Variants in CKAP5 observed in about 807,000 individuals in gnomAD.
The protein encoded by CKAP5 is cytoskeleton-associated protein 5.
In CKAP5, 27 loss-of-function variants were observed where a neutral mutation model predicts 232.8. That is an observed-to-expected ratio of 0.12 (90% CI 0.09 to 0.16). CKAP5 has a LOEUF of 0.16. Among genes scored for constraint, CKAP5 ranks in the 10% least tolerant of loss-of-function variants. CKAP5 has a pLI of 1.00. For missense variants in CKAP5, 1,838 were observed against 2,424.7 expected (o/e 0.76, Z 5.08); for synonymous variants, 785 against 841.1 (o/e 0.93, Z 1.16).
At chr11:46,751,685 CA>C (rs2065065703) in intron 38 of CKAP5, 151 bp from the exon 39 acceptor site, 1 of 664,084 alleles carries the variant, frequency 1.5e-6, no homozygotes, top group Non-Finnish European at 2.5e-6. Context: ...GCTGCTAAAA[CA>C]TGAAAATTTT....
intron 24 of CKAP5, 135 bp downstream of exon 24, chr11:46,776,120 G>A: frequency 1.5e-6 from 1 of 676,336 alleles, no homozygotes; most frequent in Non-Finnish European, 2.2e-6. Context: ...AAGGCCCCAG[G>A]AATGTGATTT....
intron 18 of CKAP5, among the ~76,000 whole-genome samples, chr11:46,782,823 T>A (rs1282160642): frequency 6.6e-6 from 1 of 152,218 alleles, no homozygotes; most frequent in Middle Eastern, 3.2e-3. Flanking sequence ...AAGTAAACTG[T>A]ATAAAGTTTT....
chr11:46,830,757 G>A (rs1939772230), intron 1 of CKAP5, among the ~76,000 whole-genome samples: 1 of 152,128 alleles, frequency 6.6e-6, no homozygotes, highest in South Asian at 2.1e-4. Context: ...TTTCTGGAAG[G>A]ATCTGTAGAA....
rs1196710030 is a variant in CKAP5, at chr11:46,808,159, A to T, written c.865-15T>A. ...TTTTTTGCCTCCTGCAAGATACAAT[A>T]TGAGTCATTTGTAACAGGAAATAAG... is the stretch of plus-strand genomic sequence containing the variant. On this transcript the variant is annotated splice_polypyrimidine_tract_variant and intron_variant, in intron 7 of 43. Transcript: ENST00000529230. The T allele has an allele frequency of 2.7e-6, 4 of 1,473,128 alleles. No homozygotes were observed. The highest frequency in any genetic ancestry group is 3.8e-6 in the Non-Finnish European group (4 of 1,055,996). The allele number at this position is 1,473,128 out of a possible 1,614,324, so 91.3% of individuals were successfully genotyped here.
intron 42 of CKAP5, among the ~76,000 whole-genome samples, chr11:46,745,230 A>G (rs79143028): frequency 0.019 from 2,926 of 152,338 alleles, 99 homozygotes; most frequent in African/African-American, 0.067. Context: ...CTTGGTATCA[A>G]TGCAAATGCA....
rs752131127 is a variant in CKAP5 at position 46,808,040 on chromosome 11, T to C, written c.969A>G (p.Ala323=). The C allele has an allele frequency of 6.2e-7, 1 of 1,612,866 alleles. No individual in the cohort carries two copies. Among genetic ancestry groups the C allele is most frequent in the Non-Finnish European group, 8.5e-7 (1 of 1,178,908 alleles). The change falls in exon 8 of 44, where the codon GCA becomes GCG. Residue 323 remains alanine, a synonymous_variant. Transcript: ENST00000529230. ...EAGDYADLVK[A]LKKVVGKDTN... is the part of the protein sequence containing the mutation. ...AAGTCCTCATATTTACCTTCTTTAA[T>C]GCTTTTACTAAATCTGCATAATCGC... is the stretch of plus-strand genomic sequence containing the variant.
intron 27 of CKAP5, 121 bp from the exon 28 acceptor site, chr11:46,765,377 A>G: frequency 1.1e-6 from 1 of 903,258 alleles, no homozygotes; most frequent in Non-Finnish European, 1.6e-6. Flanking sequence ...GATATTTCAC[A>G]TGAAAAAAAC....
At chr11:46,787,966 G>T (rs75431471) in intron 16 of CKAP5, among the ~76,000 whole-genome samples, 3 of 152,112 alleles carry the variant, frequency 2.0e-5, no homozygotes, top group Non-Finnish European at 4.4e-5. Context: ...CCTTTATGAT[G>T]ATCCACTGCC....
rs745838625 is a variant in CKAP5 at position 46,808,163 on chromosome 11, G to C, written c.865-19C>G. ...TTGCCTCCTGCAAGATACAATATGA[G>C]TCATTTGTAACAGGAAATAAGAGAG... On this transcript the variant is annotated intron_variant, in intron 7 of 43. Coordinates refer to ENST00000529230, the MANE Select transcript of CKAP5 (RefSeq NM_001008938.4). 6 of 1,434,070 alleles carry C rather than the reference G, an allele frequency of 4.2e-6. No individual in the cohort carries two copies. In the African/African-American group the frequency reaches 7.1e-5, roughly 17 times the overall value. 88.8% of individuals were successfully genotyped at this position (1,434,070 alleles called of 1,614,324 possible). A position where few individuals can be genotyped will look rare whatever the true frequency, so the allele number is the denominator to read the frequency against.
chr11:46,806,719 A>C (rs537225342), intron 8 of CKAP5, among the ~76,000 whole-genome samples: 2 of 152,218 alleles, frequency 1.3e-5, no homozygotes, highest in African/African-American at 4.8e-5. Flanking sequence ...TCACGAATCC[A>C]TATTTGCAAA....
intron 36 of CKAP5, 44 bp downstream of exon 36, chr11:46,754,844 T>C (rs371418499): frequency 3.8e-6 from 6 of 1,559,676 alleles, no homozygotes; most frequent in Non-Finnish European, 5.3e-6. Flanking sequence ...CTCTGTAGGC[T>C]GAGAGATTGA....
At chr11:46,769,202 AGC>A (rs1161187448) in intron 26 of CKAP5, among the ~76,000 whole-genome samples, 1 of 152,246 alleles carries the variant, frequency 6.6e-6, no homozygotes, top group Non-Finnish European at 1.5e-5. Flanking sequence ...TACAAGCATG[AGC>A]CACTGTGCCC....
At chr11:46,756,898 G>A (rs1038676849) in intron 35 of CKAP5, among the ~76,000 whole-genome samples, 4 of 151,552 alleles carry the variant, frequency 2.6e-5, no homozygotes, top group African/African-American at 9.7e-5. Context: ...TGGGATTACA[G>A]GCATGTGCCA....
chr11:46,779,012 G>A (rs1031911813), intron 20 of CKAP5, among the ~76,000 whole-genome samples: 2 of 152,144 alleles, frequency 1.3e-5, no homozygotes, highest in Non-Finnish European at 2.9e-5. Context: ...CCTGGAAGGT[G>A]GAGGTTGGAA....
At chr11:46,762,468 G>C (rs778142118) in intron 31 of CKAP5, 159 bp downstream of exon 31, 3 of 978,352 alleles carry the variant, frequency 3.1e-6, no homozygotes, top group Non-Finnish European at 4.9e-6. Flanking sequence ...TGATACCATG[G>C]CTCCACCAGT....
chr11:46,779,733 C>G (rs1355641389), intron 20 of CKAP5, among the ~76,000 whole-genome samples: 1 of 152,124 alleles, frequency 6.6e-6, no homozygotes, highest in African/African-American at 2.4e-5. Context: ...GATCCTCCCA[C>G]CTTGGCCTCC....
At chr11:46,775,972 TA>T (rs991991268) in intron 24 of CKAP5, among the ~76,000 whole-genome samples, 2 of 150,266 alleles carry the variant, frequency 1.3e-5, no homozygotes, top group South Asian at 2.1e-4. Flanking sequence ...TAAATAATAA[TA>T]AAAAAAACAC....
At chr11:46,823,751 G>C (rs1424403743) in intron 1 of CKAP5, among the ~76,000 whole-genome samples, 1 of 152,144 alleles carries the variant, frequency 6.6e-6, no homozygotes, top group Non-Finnish European at 1.5e-5. Context: ...CTCCCAAGGA[G>C]CTGGGACTAC....
chr11:46,773,213 CTGT>C (rs1200590582), intron 24 of CKAP5, among the ~76,000 whole-genome samples: 3 of 150,196 alleles, frequency 2.0e-5, no homozygotes, highest in Non-Finnish European at 4.4e-5. Flanking sequence ...TTTTGTTATT[CTGT>C]TGTTATGATT....
Sources: allele counts gnomAD v4.1 joint callset (sites outside exome capture counted in the v4.1 genomes callset), GRCh38; gene constraint gnomAD v4.1.1; transcripts MANE v1.5; gene names NCBI Gene and HGNC (gene_info 2026-07-23, HGNC 2026-07-21).